XRN2: variants seen among roughly 807,000 people sequenced by gnomAD.
The protein encoded by XRN2 is 5'-3' exoribonuclease 2.
In XRN2, 44 loss-of-function variants were observed where a neutral mutation model predicts 138.5. The observed-to-expected ratio is 0.32, with a 90% confidence interval of 0.25 to 0.41. The LOEUF (loss-of-function observed/expected upper bound fraction) is 0.41, where lower values mean the gene tolerates loss of function less well. XRN2 is among the 10% of genes least tolerant of loss of function. XRN2 has a pLI of 1.00. For synonymous variants in XRN2, 354 were observed against 369.4 expected, an observed-to-expected ratio of 0.96 and a Z score of 0.48; for missense variants, 937 against 1,169.3, an observed-to-expected ratio of 0.80 and a Z score of 2.90.
intron 1 of XRN2, among the ~76,000 whole-genome samples, chr20:21,310,070 G>C (rs931332616): frequency 3.3e-5 from 5 of 152,090 alleles, no homozygotes; most frequent in Non-Finnish European, 7.3e-5. Flanking sequence ...CTTCCTCTCT[G>C]ATATAGATCT....
intron 1 of XRN2, chr20:21,303,786 C>G: frequency 1.8e-6 from 2 of 1,126,330 alleles, no homozygotes; most frequent in African/African-American, 1.6e-5. Flanking sequence ...GTTTCCTCTC[C>G]AGACCGCGCA....
At chr20:21,316,872 A>C (rs1453164012) in intron 1 of XRN2, among the ~76,000 whole-genome samples, 1 of 152,138 alleles carries the variant, frequency 6.6e-6, no homozygotes, top group Non-Finnish European at 1.5e-5. Flanking sequence ...TAGTTTTTTG[A>C]TACTATTGTG....
chr20:21,327,623 T>C (rs2038145832), intron 3 of XRN2, among the ~76,000 whole-genome samples: 1 of 152,214 alleles, frequency 6.6e-6, no homozygotes, highest in African/African-American at 2.4e-5. Flanking sequence ...AAGAAATCTT[T>C]AGCTTTACTC....
chr20:21,322,398 T>C (rs2038058629), intron 1 of XRN2, among the ~76,000 whole-genome samples: 2 of 152,256 alleles, frequency 1.3e-5, no homozygotes, highest in Admixed American at 1.3e-4. Context: ...CTCTAAAATA[T>C]CACCCATGGT....
rs147260116 is a variant in XRN2 at position 21,326,537 on chromosome 20, A to T, written c.251A>T (p.Tyr84Phe). The T allele has an allele frequency of 6.2e-7, 1 of 1,614,000 alleles. No individual in the cohort carries two copies. The highest frequency in any genetic ancestry group is 1.3e-5 in the African/African-American group (1 of 74,948). The change falls in exon 3 of 30, where the codon TAC becomes TTC. Residue 84 changes from tyrosine (Y) to phenylalanine (F), a missense_variant. By Grantham distance (22) the Tyr-to-Phe change is conservative. This residue lies in a region of XRN2 where 51 missense variants were observed against 93.5 expected (regional missense o/e 0.55). Transcript: ENST00000377191. ...GAAATGATGGTTGCAATTTTTGAGT[A>T]CATTGACAGACTTTTCAGTATTGTA... is the stretch of plus-strand genomic sequence containing the variant. ...EDEMMVAIFEYIDRLFSIVRP... is the reference protein window; with the variant it reads ...EDEMMVAIFEFIDRLFSIVRP...
intron 29 of XRN2, among the ~76,000 whole-genome samples, chr20:21,388,152 C>G (rs1385773699): frequency 6.6e-6 from 1 of 152,136 alleles, no homozygotes; most frequent in Non-Finnish European, 1.5e-5. Context: ...AATGTGTAGT[C>G]TAGTCACCTC....
intron 20 of XRN2, among the ~76,000 whole-genome samples, chr20:21,351,005 T>C (rs1488211793): frequency 6.6e-6 from 1 of 152,176 alleles, no homozygotes; most frequent in East Asian, 1.9e-4. Flanking sequence ...CATGGGACAG[T>C]GAGGGATGTA....
intron 1 of XRN2, among the ~76,000 whole-genome samples, chr20:21,313,796 G>C (rs954708081): frequency 8.5e-5 from 13 of 152,134 alleles, no homozygotes; most frequent in African/African-American, 2.9e-4. Flanking sequence ...CTACTTTTGT[G>C]ATAGGCATCA....
chr20:21,375,118 A>G (rs2038806199), intron 27 of XRN2, among the ~76,000 whole-genome samples: 1 of 150,436 alleles, frequency 6.6e-6, no homozygotes, highest in Admixed American at 6.6e-5. Context: ...AGACTTCAAA[A>G]TTAAGTGCTG....
intron 27 of XRN2, among the ~76,000 whole-genome samples, chr20:21,381,627 A>G (rs1427263324): frequency 6.6e-6 from 1 of 152,186 alleles, no homozygotes; most frequent in Non-Finnish European, 1.5e-5. Flanking sequence ...ATTTATGGAA[A>G]AGAACTAAAC....
intron 23 of XRN2, among the ~76,000 whole-genome samples, chr20:21,357,505 C>T (rs2038590219): frequency 6.6e-6 from 1 of 152,078 alleles, no homozygotes; most frequent in Non-Finnish European, 1.5e-5. Context: ...TTTATAGTTG[C>T]AGTTCTTTGA....
At chr20:21,384,740 G>A (rs2038920288) in intron 28 of XRN2, among the ~76,000 whole-genome samples, 1 of 152,198 alleles carries the variant, frequency 6.6e-6, no homozygotes, top group South Asian at 2.1e-4. Flanking sequence ...TGATCTGCCT[G>A]CCTCGGCCTC....
chr20:21,353,059 A>G (rs888639712), intron 20 of XRN2, among the ~76,000 whole-genome samples: 2 of 151,150 alleles, frequency 1.3e-5, no homozygotes, highest in African/African-American at 4.9e-5. Flanking sequence ...AGCACTTCAC[A>G]TTGTTAACTG....
At chr20:21,331,055 A>G (rs978403218) in intron 6 of XRN2, among the ~76,000 whole-genome samples, 1 of 152,184 alleles carries the variant, frequency 6.6e-6, no homozygotes, top group African/African-American at 2.4e-5. Flanking sequence ...GCTGTCTTAA[A>G]TGGCTGTGTT....
In XRN2 at chr20:21,348,141, T is replaced by C; in HGVS notation, c.1666-5T>C. 1 of 1,604,018 alleles carries C rather than the reference T, an allele frequency of 6.2e-7. No individual in the cohort carries two copies. Among genetic ancestry groups the C allele is most frequent in the South Asian group, 1.1e-5 (1 of 88,226 alleles). On this transcript the variant is annotated splice_polypyrimidine_tract_variant and splice_region_variant and intron_variant, in intron 17 of 29. Transcript: ENST00000377191. The stretch of plus-strand genomic sequence containing the variant: ...ATTTTGTTGTTACTTTTTTAATGAT[T>C]CTAGGGCTGTGCTTCCTGGAAGTGG...
At chr20:21,323,699 A>AT (rs1323532054) in intron 1 of XRN2, among the ~76,000 whole-genome samples, 4 of 152,020 alleles carry the variant, frequency 2.6e-5, no homozygotes, top group Admixed American at 1.3e-4. Context: ...TCCGTACTTT[A>AT]TTTTTTTTCC....
At chr20:21,324,041 T>C (rs1470654131) in intron 1 of XRN2, among the ~76,000 whole-genome samples, 1 of 152,160 alleles carries the variant, frequency 6.6e-6, no homozygotes, top group South Asian at 2.1e-4. Flanking sequence ...GATGTGGACT[T>C]TGGGGTGTAG....
chr20:21,377,672 C>CA (rs928973724), intron 27 of XRN2, among the ~76,000 whole-genome samples: 1 of 151,770 alleles, frequency 6.6e-6, no homozygotes, highest in Non-Finnish European at 1.5e-5. Context: ...ACCTATGTAT[C>CA]AATCTTTCAT....
At chr20:21,340,456 A>G (rs2038356166) in intron 14 of XRN2, among the ~76,000 whole-genome samples, 1 of 152,062 alleles carries the variant, frequency 6.6e-6, no homozygotes, top group Admixed American at 6.6e-5. Flanking sequence ...GACTTGAAAG[A>G]TTTTCTCTAT....
Sources: gnomAD v4.1 joint callset for allele counts (sites outside exome capture counted in the v4.1 genomes callset) on GRCh38, gnomAD v4.1.1 for gene constraint, gnomAD v4.1.1 regional missense constraint, MANE v1.5 for transcripts, NCBI Gene and HGNC (gene_info 2026-07-23, HGNC 2026-07-21) for gene names.